The following NDUFA10 variants were observed in gnomAD, a reference collection of about 807,000 sequenced individuals.
NDUFA10 encodes the protein NADH:ubiquinone oxidoreductase subunit A10.
In NDUFA10, 40 loss-of-function variants were observed where a neutral mutation model predicts 47.8. The observed-to-expected ratio is 0.84, with a 90% CI of 0.65 to 1.09. The LOEUF (loss-of-function observed/expected upper bound fraction) is 1.09, where lower values mean the gene tolerates loss of function less well. Ranked by LOEUF, NDUFA10 falls within the 50% of genes least tolerant of loss-of-function variation. The probability of loss-of-function intolerance (pLI) is 0.00; values close to 1 mark genes in which losing one functional copy is unlikely to be tolerated. For synonymous variants in NDUFA10, 183 were observed against 172.2 expected, an observed-to-expected ratio of 1.06 and a Z score of -0.49; for missense variants, 413 against 451.1, an observed-to-expected ratio of 0.92 and a Z score of 0.76.
chr2:239,937,560 T>C (rs1416225407), intron 4 of NDUFA10, among the ~76,000 whole-genome samples: 2 of 152,186 alleles, frequency 1.3e-5, no homozygotes, highest in Admixed American at 6.5e-5. Flanking sequence ...CTGCCATGTG[T>C]ATGCACCACA....
chr2:239,969,546 C>T (rs1695227688), intron 9 of NDUFA10: 1 of 417,286 alleles, frequency 2.4e-6, no homozygotes, highest in Admixed American at 2.6e-5. Flanking sequence ...TTCCTGTGGA[C>T]ATGGGACTCC....
At chr2:239,978,307 C>T (rs1227900844) in intron 9 of NDUFA10, among the ~76,000 whole-genome samples, 1 of 152,216 alleles carries the variant, frequency 6.6e-6, no homozygotes, top group South Asian at 2.1e-4. Flanking sequence ...CCTGACACTT[C>T]TCTCAAGGTT....
downstream of NDUFA10, among the ~76,000 whole-genome samples, chr2:239,953,971 G>A (rs1323192376): frequency 5.9e-5 from 9 of 152,236 alleles, no homozygotes; most frequent in East Asian, 3.8e-4. Flanking sequence ...GTGACCGACC[G>A]CCTCGGGGCT....
intron 8 of NDUFA10, among the ~76,000 whole-genome samples, chr2:239,996,762 C>A (rs1014887436): frequency 1.3e-5 from 2 of 152,038 alleles, no homozygotes; most frequent in African/African-American, 2.4e-5. Flanking sequence ...TGAATGCAGC[C>A]CAACATAAAT....
In NDUFA10 at chr2:239,959,320, G is replaced by A. The variant is rs1025263989; in HGVS notation, c.*1798C>T. ...CACAGGGCAGACCTGCCCTCTCACT[G>A]CTGAGGACACTACCCGTGCAACCAC... On this transcript the variant is annotated 3_prime_UTR_variant, in exon 10 of 10. Transcript: ENST00000252711. 7.1e-6 allele frequency: 7 copies of A among 985,462 alleles called. 1 individual carries two copies. In the African/African-American group the frequency reaches 8.7e-5, roughly 12 times the overall value. 61.0% of individuals were successfully genotyped at this position (985,462 alleles called of 1,614,324 possible). A position where few individuals can be genotyped will look rare whatever the true frequency, so the allele number is the denominator to read the frequency against.
At chr2:239,914,624 TACAC>T (rs1180847644) in intron 4 of NDUFA10, among the ~76,000 whole-genome samples, 1 of 97,638 alleles carries the variant, frequency 1.0e-5, no homozygotes, top group Non-Finnish European at 2.0e-5. Context: ...GAGATACACA[TACAC>T]ACACAGAACA....
chr2:239,921,213 A>C (rs1182868484), intron 4 of NDUFA10, among the ~76,000 whole-genome samples: 6 of 152,062 alleles, frequency 3.9e-5, no homozygotes, highest in Non-Finnish European at 7.4e-5. Context: ...CATTGGGCCC[A>C]ACCCTGCTGT....
rs4854064 is a variant in NDUFA10, at chr2:239,974,585, T to A, written c.1000-13399A>T. 5.9e-3 allele frequency among the ~76,000 whole-genome samples: 902 copies of A among 152,186 alleles called. 14 individuals carry two copies. The highest frequency in any genetic ancestry group is 0.021 in the African/African-American group (865 of 41,504). ...TGGGAAGTGTTTGGATCATGCGGGC[T>A]GATCCCTCATGAATGGCTTGGGCCA... On this transcript the variant is annotated intron_variant, in intron 9 of 9. Transcript: ENST00000252711.
At chr2:239,985,237 C>G (rs1235293340) in intron 9 of NDUFA10, among the ~76,000 whole-genome samples, 2 of 152,208 alleles carry the variant, frequency 1.3e-5, no homozygotes. Context: ...CTGCAATTAT[C>G]AGATAATTCT....
rs111420121 is a variant in NDUFA10, at chr2:239,925,906, C to T, written c.295-30592G>A. Among the ~76,000 whole-genome samples, 397 of 152,290 alleles carry T rather than the reference C, an allele frequency of 2.6e-3. 3 individuals are homozygous for T. Among genetic ancestry groups the T allele is most frequent in the Middle Eastern group, 0.017 (5 of 294 alleles). On this transcript the variant is annotated intron_variant, in intron 4 of 5. Transcript: ENST00000419408. ...AGATTAGCACATGAAAACATGTTAA[C>T]ATCACCAGTCACTAGAGAAATGAAG...
chr2:240,000,066 CACAT>C (rs1696642417), intron 8 of NDUFA10, among the ~76,000 whole-genome samples: 1 of 152,360 alleles, frequency 6.6e-6, no homozygotes, highest in East Asian at 1.9e-4. Context: ...AAGAGTCCAG[CACAT>C]ACAATTATGT....
intron 4 of NDUFA10, among the ~76,000 whole-genome samples, chr2:239,951,180 CAGA>C (rs1213797891): frequency 1.3e-5 from 2 of 152,220 alleles, no homozygotes; most frequent in East Asian, 1.9e-4. Flanking sequence ...CACAAGACAT[CAGA>C]AGGAGAGGCT....
At chr2:239,953,520 G>GC (rs1161184792), downstream of NDUFA10, among the ~76,000 whole-genome samples, 2 of 152,242 alleles carry the variant, frequency 1.3e-5, no homozygotes, top group Admixed American at 1.3e-4. Flanking sequence ...GCATGGTGGT[G>GC]CATGAGGCAA....
chr2:239,980,920 T>A (rs1055254843), intron 9 of NDUFA10, among the ~76,000 whole-genome samples: 1 of 152,190 alleles, frequency 6.6e-6, no homozygotes, highest in Non-Finnish European at 1.5e-5. Context: ...TGGCACCCAG[T>A]GGTGAAACCA....
chr2:239,972,882 A>C (rs1370614369), intron 9 of NDUFA10, among the ~76,000 whole-genome samples: 1 of 152,244 alleles, frequency 6.6e-6, no homozygotes, highest in African/African-American at 2.4e-5. Flanking sequence ...AAGTAAATAC[A>C]ATCATATGTA....
intron 1 of NDUFA10, among the ~76,000 whole-genome samples, 191 bp downstream of exon 1, chr2:240,025,036 C>T (rs995222798): frequency 6.6e-6 from 1 of 152,256 alleles, no homozygotes; most frequent in Non-Finnish European, 1.5e-5. Context: ...CCTGGAGAAG[C>T]TCGTGGCCCC....
At chr2:239,898,169 G>T (rs565001759) in intron 4 of NDUFA10, among the ~76,000 whole-genome samples, 1 of 152,310 alleles carries the variant, frequency 6.6e-6, no homozygotes, top group African/African-American at 2.4e-5. Context: ...TCAGGGTTAC[G>T]CAGTCATGGG....
chr2:239,949,259 G>A (rs1231171290), intron 4 of NDUFA10, among the ~76,000 whole-genome samples: 4 of 152,212 alleles, frequency 2.6e-5, no homozygotes, highest in African/African-American at 9.7e-5. Flanking sequence ...TGCACGGCTC[G>A]GAGGGCGAAG....
chr2:239,992,946 A>C (rs559403118), intron 8 of NDUFA10, among the ~76,000 whole-genome samples: 34 of 152,352 alleles, frequency 2.2e-4, no homozygotes, highest in African/African-American at 7.9e-4. Context: ...ATTGGTCATA[A>C]TTATCACTTG....
Sources: gnomAD v4.1 joint callset for allele counts (sites outside exome capture counted in the v4.1 genomes callset) on GRCh38, gnomAD v4.1.1 for gene constraint, MANE v1.5 for transcripts, NCBI Gene and HGNC (gene_info 2026-07-23, HGNC 2026-07-21) for gene names.